The following SMIM36 variants were observed in gnomAD, a reference collection of about 807,000 sequenced individuals.
The protein encoded by SMIM36 is small integral membrane protein 36.
chr17:55,479,984 T>C (rs963397449), intron 1 of SMIM36, among the ~76,000 whole-genome samples: 2 of 152,128 alleles, frequency 1.3e-5, no homozygotes, highest in African/African-American at 4.8e-5. Flanking sequence ...TTCAGAAACA[T>C]CATCTTTGCT....
intron 1 of SMIM36, among the ~76,000 whole-genome samples, chr17:55,481,164 A>T (rs1398821095): frequency 2.0e-5 from 3 of 151,938 alleles, no homozygotes; most frequent in Non-Finnish European, 2.9e-5. Context: ...GCCAGACCAG[A>T]TGGCACTAAG....
chr17:55,457,207 C>T (rs60236025), intron 4 of SMIM36, among the ~76,000 whole-genome samples: 13 of 151,934 alleles, frequency 8.6e-5, no homozygotes, highest in African/African-American at 2.9e-4. Flanking sequence ...CCCAGCACTT[C>T]GGGAGGCTGA....
chr17:55,459,504 C>T (rs1245301109), intron 4 of SMIM36, among the ~76,000 whole-genome samples: 1 of 152,128 alleles, frequency 6.6e-6, no homozygotes, highest in Non-Finnish European at 1.5e-5. Context: ...GGGAAGTTGT[C>T]CCTGAATCTC....
intron 1 of SMIM36, among the ~76,000 whole-genome samples, chr17:55,492,039 G>C (rs1403111697): frequency 6.6e-6 from 1 of 151,428 alleles, no homozygotes; most frequent in Non-Finnish European, 1.5e-5. Flanking sequence ...GGCACCTGTA[G>C]TCCCAGCTAC....
intron 1 of SMIM36, among the ~76,000 whole-genome samples, chr17:55,502,000 A>T (rs1431553056): frequency 6.6e-6 from 1 of 151,434 alleles, no homozygotes; most frequent in Non-Finnish European, 1.5e-5. Context: ...CCACCCGAAT[A>T]TTGCGCTTTT....
At chr17:55,487,111 AAACACCGC>A (rs1219930353) in intron 1 of SMIM36, among the ~76,000 whole-genome samples, 1 of 151,956 alleles carries the variant, frequency 6.6e-6, no homozygotes, top group African/African-American at 2.4e-5. Context: ...ACAGAAAACC[AAACACCGC>A]ATGTTCTCAC....
chr17:55,473,391 G>A (rs993491497), intron 3 of SMIM36, among the ~76,000 whole-genome samples: 3 of 152,064 alleles, frequency 2.0e-5, no homozygotes, highest in Non-Finnish European at 4.4e-5. Context: ...CCACCAGATG[G>A]GTCGACGCCT....
intron 4 of SMIM36, among the ~76,000 whole-genome samples, chr17:55,463,808 G>A (rs1277673858): frequency 6.6e-6 from 1 of 151,686 alleles, no homozygotes; most frequent in Non-Finnish European, 1.5e-5. Flanking sequence ...CTCCTTTTGG[G>A]GTTTCATTTT....
chr17:55,520,342 C>T, the SMIM36 span, among the ~76,000 whole-genome samples: 1 of 152,122 alleles, frequency 6.6e-6, no homozygotes, highest in Admixed American at 6.5e-5. Context: ...AAAATTCATT[C>T]TAACCACCAA....
the SMIM36 span, among the ~76,000 whole-genome samples, chr17:55,521,085 T>G: frequency 6.6e-6 from 1 of 151,996 alleles, no homozygotes; most frequent in South Asian, 2.1e-4. Context: ...ATTGTGCCAC[T>G]GCACTCCAGC....
chr17:55,524,590 T>C, the SMIM36 span, among the ~76,000 whole-genome samples: 11,853 of 152,186 alleles, frequency 0.078, 1,363 homozygotes, highest in African/African-American at 0.25. Context: ...CTGTTATTTT[T>C]TGACTTTTTG....
chr17:55,463,163 A>G (rs1027435383), intron 4 of SMIM36, among the ~76,000 whole-genome samples: 3 of 152,154 alleles, frequency 2.0e-5, no homozygotes, highest in East Asian at 1.9e-4. Context: ...AACTTTATGT[A>G]GTTCTGAACT....
At chr17:55,455,574 G>A (rs1909002551) in intron 4 of SMIM36, among the ~76,000 whole-genome samples, 1 of 152,128 alleles carries the variant, frequency 6.6e-6, no homozygotes, top group South Asian at 2.1e-4. Flanking sequence ...AGGATCAGTT[G>A]AGCCCAGGAG....
At chr17:55,473,931 G>A (rs926360589) in intron 3 of SMIM36, among the ~76,000 whole-genome samples, 3 of 152,094 alleles carry the variant, frequency 2.0e-5, no homozygotes, top group Admixed American at 2.0e-4. Flanking sequence ...TTTAAAGATC[G>A]GCCCCTGACC....
chr17:55,498,827 C>T (rs1231997477), intron 1 of SMIM36, among the ~76,000 whole-genome samples: 4 of 151,614 alleles, frequency 2.6e-5, no homozygotes, highest in Non-Finnish European at 5.9e-5. Flanking sequence ...GACAAAACCC[C>T]GTCTCTACTA....
chr17:55,474,010 A>G (rs12937371), intron 3 of SMIM36, among the ~76,000 whole-genome samples: 76,168 of 151,382 alleles, frequency 0.5, 19,463 homozygotes, highest in South Asian at 0.57. Context: ...TCTAATTACC[A>G]GTGCATGCAG....
exon 1 of SMIM36, chr17:55,511,385 G>C: frequency 2.5e-6 from 1 of 397,970 alleles, no homozygotes; most frequent in Non-Finnish European, 4.4e-6. Flanking sequence ...ATTGGGGTCA[G>C]TTTGGGCATT....
chr17:55,450,178 A>G (rs1373033348), exon 5 of SMIM36: 1 of 152,192 alleles, frequency 6.6e-6, no homozygotes, highest in Non-Finnish European at 1.5e-5. Context: ...CAGTGATGTG[A>G]TCACAAGCCA....
chr17:55,484,277 T>C (rs77151293), intron 1 of SMIM36, among the ~76,000 whole-genome samples: 12,181 of 152,234 alleles, frequency 0.08, 540 homozygotes, highest in South Asian at 0.15. Context: ...TCTGTATACA[T>C]TGCACTGCAG....
Sources: gnomAD v4.1 joint callset for allele counts (sites outside exome capture counted in the v4.1 genomes callset) on GRCh38, gnomAD v4.1.1 for gene constraint, MANE v1.5 for transcripts, NCBI Gene and HGNC (gene_info 2026-07-23, HGNC 2026-07-21) for gene names.